Variants in LRRC49 observed in about 807,000 individuals in gnomAD.
The protein encoded by LRRC49 is leucine rich repeat containing 49, also known as leucine-rich repeat-containing protein 49.
A neutral mutation model predicts 83.3 loss-of-function variants in LRRC49; 50 were observed. The observed-to-expected ratio is 0.60, with a 90% confidence interval of 0.48 to 0.76. The LOEUF (loss-of-function observed/expected upper bound fraction) is 0.76, where lower values mean the gene tolerates loss of function less well. Among genes scored for constraint, LRRC49 ranks in the 30% least tolerant of loss-of-function variants. The pLI is 0.00. For missense variants in LRRC49, 704 were observed against 809.1 expected (o/e 0.87, Z 1.58); for synonymous variants, 286 against 283.3 (o/e 1.01, Z -0.10).
Position 71,053,569 on chromosome 15 carries a change from T to G in LRRC49, c.*3957T>G, listed in dbSNP as rs140636424. 4.8e-4 allele frequency: 73 copies of G among 152,390 alleles called. 1 individual carries two copies. The East Asian group carries it at 0.012, about 25-fold the overall frequency. The allele number at this position is 152,390 out of a possible 1,614,324, so 9.4% of individuals were successfully genotyped here. A position where few individuals can be genotyped will look rare whatever the true frequency, so the allele number is the denominator to read the frequency against. On this transcript the variant is annotated 3_prime_UTR_variant, in exon 16 of 16. Transcript: ENST00000260382. ...TTGAGAAGTATAGATTGGGCTAGAA[T>G]TATAGAATTTGGAGTCATTGGCGTA...
intron 9 of LRRC49, among the ~76,000 whole-genome samples, chr15:70,972,258 G>T (rs888799740): frequency 6.6e-6 from 1 of 152,144 alleles, no homozygotes; most frequent in Non-Finnish European, 1.5e-5. Context: ...AGTTTGGCTG[G>T]ATATGAAATT....
At chr15:71,018,740 G>T (rs1369770731) in intron 14 of LRRC49, among the ~76,000 whole-genome samples, 1 of 152,102 alleles carries the variant, frequency 6.6e-6, no homozygotes, top group Non-Finnish European at 1.5e-5. Context: ...CAGGTTGAAA[G>T]ATCATTCCCA....
intron 1 of LRRC49, among the ~76,000 whole-genome samples, chr15:70,862,684 A>G (rs2032822231): frequency 6.6e-6 from 1 of 151,970 alleles, no homozygotes; most frequent in African/African-American, 2.4e-5. Context: ...CAAAGCTCCC[A>G]AAATGATTCC....
intron 1 of LRRC49, chr15:70,853,954 G>A (rs2032569440): frequency 6.9e-7 from 1 of 1,451,534 alleles, no homozygotes; most frequent in South Asian, 1.3e-5. Context: ...ACCGGGCCGG[G>A]TCCCCGGCGC....
At chr15:70,975,212 CA>C (rs143054368) in intron 9 of LRRC49, among the ~76,000 whole-genome samples, 3,053 of 152,124 alleles carry the variant, frequency 0.02, 34 homozygotes, top group Non-Finnish European at 0.031. Flanking sequence ...GATTAGTTGA[CA>C]AAGGAGAAGA....
rs183077807 is a variant in LRRC49 at position 71,019,133 on chromosome 15, T to C, written c.1703+6220T>C. ...CTTTTGGGTTTTTGTGGAGACATCA[T>C]TATGTAGGCATGATAAATGAAATCA... is the stretch of plus-strand genomic sequence containing the variant. On this transcript the variant is annotated intron_variant, in intron 14 of 15. Coordinates refer to ENST00000260382, the MANE Select transcript of LRRC49 (RefSeq NM_017691.5). 2.1e-3 allele frequency among the ~76,000 whole-genome samples: 320 copies of C among 152,192 alleles called. 4 individuals carry two copies. The highest frequency in any genetic ancestry group is 8.7e-4 in the Non-Finnish European group (59 of 68,000).
rs146593930 is a variant in LRRC49 at position 71,008,451 on chromosome 15, C to A, written c.1242C>A (p.Asp414Glu). The A allele has an allele frequency of 6.2e-7, 1 of 1,612,672 alleles. No homozygotes were observed. Among genetic ancestry groups the A allele is most frequent in the Non-Finnish European group, 8.5e-7 (1 of 1,179,132 alleles). The change falls in exon 12 of 16, where the codon GAC becomes GAA. Residue 414 changes from aspartate to glutamate, a missense_variant. Transcript: ENST00000260382. The stretch of plus-strand genomic sequence containing the variant: ...TAGACACATACCTTGTTGAAGTGGA[C>A]GGGGATACACTTTCCCTATATGGCT... Reference protein sequence around the residue: ...SVIDTYLVEVDGDTLSLYGSG... With the variant: ...SVIDTYLVEVEGDTLSLYGSG...
chr15:71,047,237 A>G (rs553694645), intron 15 of LRRC49, among the ~76,000 whole-genome samples: 1 of 152,212 alleles, frequency 6.6e-6, no homozygotes, highest in South Asian at 2.1e-4. Context: ...GACATTGGGA[A>G]TTTGATATGA....
At chr15:71,037,698 C>G (rs780628590) in intron 15 of LRRC49, among the ~76,000 whole-genome samples, 3 of 152,178 alleles carry the variant, frequency 2.0e-5, no homozygotes, top group Non-Finnish European at 2.9e-5. Context: ...GCCAGACCAT[C>G]AGAGAACACA....
intron 11 of LRRC49, among the ~76,000 whole-genome samples, chr15:71,007,132 T>C (rs1474903330): frequency 1.3e-5 from 2 of 152,002 alleles, no homozygotes; most frequent in African/African-American, 4.8e-5. Flanking sequence ...CATCTTGTTA[T>C]TGAATAAACA....
intron 5 of LRRC49, chr15:70,908,794 G>C (rs541702068): frequency 6.6e-6 from 1 of 152,240 alleles, no homozygotes; most frequent in East Asian, 1.9e-4. Flanking sequence ...AGATGTTTTT[G>C]GTTCCTGAAC....
At chr15:71,004,726 A>G (rs1194980910) in intron 11 of LRRC49, among the ~76,000 whole-genome samples, 2 of 152,158 alleles carry the variant, frequency 1.3e-5, no homozygotes, top group African/African-American at 4.8e-5. Context: ...ATAAAAAAGA[A>G]TGAGATCATG....
chr15:71,024,952 C>G (rs1194803267), intron 14 of LRRC49, among the ~76,000 whole-genome samples: 1 of 152,022 alleles, frequency 6.6e-6, no homozygotes, highest in African/African-American at 2.4e-5. Context: ...AATTTCAGAG[C>G]TTGAAGACTG....
intron 8 of LRRC49, among the ~76,000 whole-genome samples, chr15:70,951,358 G>C (rs1339179164): frequency 6.6e-6 from 1 of 152,020 alleles, no homozygotes; most frequent in African/African-American, 2.4e-5. Context: ...GGGTAGTATG[G>C]TCATTTTATC....
chr15:71,012,286 T>G (rs2038679487), intron 13 of LRRC49, among the ~76,000 whole-genome samples: 1 of 152,144 alleles, frequency 6.6e-6, no homozygotes, highest in African/African-American at 2.4e-5. Context: ...TTATTCTTTT[T>G]GGGGAGAAAG....
At chr15:70,865,153 C>A (rs970630300) in intron 1 of LRRC49, among the ~76,000 whole-genome samples, 2 of 152,140 alleles carry the variant, frequency 1.3e-5, no homozygotes, top group African/African-American at 4.8e-5. Flanking sequence ...AGGTGTGGGC[C>A]CCATGCCTGG....
At chr15:71,009,546 T>C (rs1358595708) in intron 12 of LRRC49, 1 of 300,526 alleles carries the variant, frequency 3.3e-6, no homozygotes, top group Non-Finnish European at 6.1e-6. Context: ...CTTTAAAGAA[T>C]GTTGGTTTAT....
At chr15:71,038,840 C>T (rs537306060) in intron 15 of LRRC49, among the ~76,000 whole-genome samples, 5 of 152,272 alleles carry the variant, frequency 3.3e-5, no homozygotes, top group African/African-American at 1.2e-4. Context: ...TCAGCACTCT[C>T]TACATTCATA....
At chr15:70,929,554 C>T (rs1173415896) in intron 7 of LRRC49, among the ~76,000 whole-genome samples, 1 of 152,046 alleles carries the variant, frequency 6.6e-6, no homozygotes, top group East Asian at 1.9e-4. Context: ...ATGGCTGTGG[C>T]GTAAAACTCA....
Sources: gnomAD v4.1 joint callset for allele counts (sites outside exome capture counted in the v4.1 genomes callset) on GRCh38, gnomAD v4.1.1 for gene constraint, MANE v1.5 for transcripts, NCBI Gene and HGNC (gene_info 2026-07-23, HGNC 2026-07-21) for gene names.